Variants in SLC9D1 observed in about 807,000 individuals in gnomAD.
The protein encoded by SLC9D1 is solute carrier family 9 member D1.
the SLC9D1 span, among the ~76,000 whole-genome samples, chr13:113,523,073 A>G: frequency 2.7e-5 from 4 of 150,102 alleles, no homozygotes; most frequent in African/African-American, 9.8e-5. Flanking sequence ...TTTATTGAGG[A>G]TTTTGGGGTC....
the SLC9D1 span, among the ~76,000 whole-genome samples, chr13:113,521,959 C>A: frequency 6.6e-6 from 1 of 152,280 alleles, no homozygotes; most frequent in East Asian, 1.9e-4. Context: ...TACAACTGAT[C>A]AAAAATTAGG....
At chr13:113,522,508 T>G in the SLC9D1 span, among the ~76,000 whole-genome samples, 2 of 152,076 alleles carry the variant, frequency 1.3e-5, no homozygotes, top group South Asian at 4.1e-4. Flanking sequence ...GCCCGGCCAA[T>G]TTTTTGTATT....
chr13:113,525,721 C>G, the SLC9D1 span, among the ~76,000 whole-genome samples: 376 of 151,748 alleles, frequency 2.5e-3, 2 homozygotes, highest in African/African-American at 8.6e-3. Flanking sequence ...TCGTAGGAGA[C>G]GACAGCTCTG....
the SLC9D1 span, among the ~76,000 whole-genome samples, chr13:113,526,943 G>T: frequency 7.2e-5 from 11 of 152,200 alleles, no homozygotes; most frequent in Non-Finnish European, 1.5e-4. Context: ...GTTACAGTTG[G>T]CTGCAGTATT....
the SLC9D1 span, among the ~76,000 whole-genome samples, chr13:113,549,169 A>G: frequency 4.1e-4 from 63 of 152,032 alleles, no homozygotes; most frequent in Non-Finnish European, 7.8e-4. Flanking sequence ...CTGTACTTCC[A>G]TGTGCTTTAA....
At chr13:113,510,320 G>C in the SLC9D1 span, 1 of 1,614,188 alleles carries the variant, frequency 6.2e-7, no homozygotes, top group Non-Finnish European at 8.5e-7. Flanking sequence ...CATCTCTTGC[G>C]GATCAAACCC....
At chr13:113,514,662 C>T in the SLC9D1 span, among the ~76,000 whole-genome samples, 5 of 148,040 alleles carry the variant, frequency 3.4e-5, no homozygotes, top group African/African-American at 7.8e-5. Context: ...ACATGAGCCT[C>T]GCTAGTATTC....
chr13:113,539,296 G>A, the SLC9D1 span: 2 of 1,557,738 alleles, frequency 1.3e-6, no homozygotes, highest in Non-Finnish European at 1.7e-6. The surrounding 1 kb of genome is among the most constrained non-coding windows in gnomAD (Gnocchi z 4.8). Context: ...GTGGCCTTGG[G>A]ATGGGGGTGA....
chr13:113,539,151 A>T, the SLC9D1 span, among the ~76,000 whole-genome samples: 9 of 152,196 alleles, frequency 5.9e-5, no homozygotes, highest in African/African-American at 2.2e-4. This position sits in a 1 kb window ranked among gnomAD's most constrained non-coding sequence, Gnocchi z 4.8. Flanking sequence ...TTTTTCTCCC[A>T]GTAAGGTTAA....
At chr13:113,514,603 A>C in the SLC9D1 span, 1 of 133,566 alleles carries the variant, frequency 7.5e-6, no homozygotes, top group African/African-American at 3.2e-5. Context: ...CGCCATCCAC[A>C]CAAGCCTGCT....
chr13:113,533,649 G>A, the SLC9D1 span, among the ~76,000 whole-genome samples: 4 of 152,216 alleles, frequency 2.6e-5, no homozygotes, highest in Admixed American at 1.3e-4. Flanking sequence ...GCTGACGGTC[G>A]CTGGAGTTCG....
chr13:113,494,412 A>G, the SLC9D1 span, among the ~76,000 whole-genome samples: 1 of 151,766 alleles, frequency 6.6e-6, no homozygotes, highest in Non-Finnish European at 1.5e-5. Context: ...TGCTTTCTGA[A>G]CAGTGCTCCT....
At chr13:113,525,349 T>C in the SLC9D1 span, among the ~76,000 whole-genome samples, 1 of 152,230 alleles carries the variant, frequency 6.6e-6, no homozygotes, top group Non-Finnish European at 1.5e-5. Context: ...ACAAACCTGC[T>C]GCACTGCCAA....
the SLC9D1 span, among the ~76,000 whole-genome samples, chr13:113,496,707 T>A: frequency 6.6e-6 from 1 of 152,212 alleles, no homozygotes; most frequent in Non-Finnish European, 1.5e-5. Flanking sequence ...AGCATAAACG[T>A]TAGAGAAAAT....
chr13:113,544,125 C>T, the SLC9D1 span, among the ~76,000 whole-genome samples: 1 of 152,256 alleles, frequency 6.6e-6, no homozygotes, highest in African/African-American at 2.4e-5. Flanking sequence ...GTCCGGGCTG[C>T]CTGCCCGGTG....
chr13:113,501,832 T>G, the SLC9D1 span: 20 of 1,611,778 alleles, frequency 1.2e-5, no homozygotes, highest in East Asian at 4.5e-4. Flanking sequence ...TGTTTGGTTA[T>G]ATTATTTGTG....
the SLC9D1 span, among the ~76,000 whole-genome samples, chr13:113,519,044 CTT>C: frequency 5.8e-4 from 78 of 135,642 alleles, no homozygotes; most frequent in Admixed American, 8.9e-4. Flanking sequence ...ATAACAGTAG[CTT>C]TTTTTTTTTT....
chr13:113,504,661 C>T, the SLC9D1 span: 28,475 of 152,168 alleles, frequency 0.19, 3,540 homozygotes, highest in African/African-American at 0.35. Flanking sequence ...ACAAATACCC[C>T]TTTTTTGTTC....
chr13:113,516,409 A>G, the SLC9D1 span, among the ~76,000 whole-genome samples: 2 of 151,806 alleles, frequency 1.3e-5, no homozygotes, highest in African/African-American at 4.8e-5. Context: ...TACTGAAAAT[A>G]TAAAAATTAG....
Sources: allele counts gnomAD v4.1 joint callset (sites outside exome capture counted in the v4.1 genomes callset), GRCh38; gene constraint gnomAD v4.1.1; non-coding constraint Gnocchi (gnomAD v3.1); transcripts MANE v1.5; gene names NCBI Gene and HGNC (gene_info 2026-07-23, HGNC 2026-07-21).